SUGCT: variants seen among roughly 807,000 people sequenced by gnomAD.
SUGCT encodes the protein succinyl-CoA:glutarate-CoA transferase.
A neutral mutation model predicts 55.0 loss-of-function variants in SUGCT; 41 were observed. The ratio of observed to expected loss-of-function variants is 0.74; its 90% CI spans 0.58 to 0.97. The LOEUF (loss-of-function observed/expected upper bound fraction) is 0.97. Among genes scored for constraint, SUGCT ranks in the 50% least tolerant of loss-of-function variants. SUGCT has a pLI of 0.00. For synonymous variants in SUGCT, 187 were observed against 200.4 expected (o/e 0.93, Z 0.56); for missense variants, 568 against 547.8 (o/e 1.04, Z -0.37).
At chr7:40,915,045 G>A in the SUGCT span, among the ~76,000 whole-genome samples, 48 of 152,248 alleles carry the variant, frequency 3.2e-4, no homozygotes, top group South Asian at 1.5e-3. Flanking sequence ...GATAGGGATC[G>A]TATCAGAAAA....
intron 9 of SUGCT, among the ~76,000 whole-genome samples, chr7:40,439,064 G>GTGTATGTATA (rs1283539157): frequency 1.8e-4 from 5 of 27,192 alleles, no homozygotes; most frequent in Non-Finnish European, 3.4e-4. Flanking sequence ...TATATATGGT[G>GTGTATGTATA]TATATATATA....
At chr7:40,678,823 A>G (rs752771914) in intron 12 of SUGCT, among the ~76,000 whole-genome samples, 10 of 152,214 alleles carry the variant, frequency 6.6e-5, no homozygotes, top group African/African-American at 1.2e-4. Flanking sequence ...ACTGTAACCA[A>G]TTTGGTTTGT....
intron 8 of SUGCT, among the ~76,000 whole-genome samples, chr7:40,281,925 A>G (rs1370659671): frequency 5.9e-5 from 9 of 151,834 alleles, no homozygotes; most frequent in Non-Finnish European, 1.3e-4. Flanking sequence ...GGTGCAAATG[A>G]CTCTCCTGCC....
intron 12 of SUGCT, among the ~76,000 whole-genome samples, chr7:40,541,650 G>A (rs1008076063): frequency 1.3e-5 from 2 of 152,180 alleles, no homozygotes; most frequent in African/African-American, 4.8e-5. Flanking sequence ...GTATAATACA[G>A]TACATATTTT....
rs372625364 is a variant in SUGCT, at chr7:40,508,277, A to C, written c.1089+11891A>C. 4.1e-4 allele frequency among the ~76,000 whole-genome samples: 62 copies of C among 152,312 alleles called. No individual in the cohort carries two copies. In the East Asian group the frequency reaches 0.011, roughly 27 times the overall value. The stretch of plus-strand genomic sequence containing the variant: ...ATTAAGCTGTAACAGGGGCAACAAG[A>C]ACCCCGGTGCCTTGGCCTGCCGTGC... On this transcript the variant is annotated intron_variant, in intron 12 of 13. Coordinates refer to ENST00000335693, the MANE Select transcript of SUGCT (RefSeq NM_001193313.2).
At chr7:40,719,770 G>A (rs1786220603) in intron 12 of SUGCT, among the ~76,000 whole-genome samples, 1 of 152,036 alleles carries the variant, frequency 6.6e-6, no homozygotes, top group South Asian at 2.1e-4. Context: ...TAGGTGAGAC[G>A]TCACTTAGTA....
chr7:40,537,517 A>T (rs1239135619), intron 12 of SUGCT, among the ~76,000 whole-genome samples: 1 of 152,158 alleles, frequency 6.6e-6, no homozygotes, highest in African/African-American at 2.4e-5. Flanking sequence ...ACAAAAGAAT[A>T]AAAAAATGTA....
At chr7:40,666,963 A>G (rs941931505) in intron 12 of SUGCT, among the ~76,000 whole-genome samples, 1 of 152,032 alleles carries the variant, frequency 6.6e-6, no homozygotes, top group African/African-American at 2.4e-5. Context: ...CCTCGTCTCT[A>G]CTAAAATTAG....
At chr7:40,408,127 G>C (rs546477099) in intron 9 of SUGCT, among the ~76,000 whole-genome samples, 63 of 151,938 alleles carry the variant, frequency 4.1e-4, no homozygotes, top group Admixed American at 1.8e-3. Flanking sequence ...TCTTAAACTT[G>C]AAAGCAACAT....
intron 13 of SUGCT, among the ~76,000 whole-genome samples, chr7:40,832,793 C>A (rs1268741577): frequency 1.3e-5 from 2 of 151,736 alleles, no homozygotes; most frequent in Admixed American, 6.6e-5. Context: ...TCTTGCCTCA[C>A]CCTCCCAAGT....
chr7:40,949,875 G>A, the SUGCT span, among the ~76,000 whole-genome samples: 7 of 152,240 alleles, frequency 4.6e-5, no homozygotes, highest in East Asian at 1.9e-4. Flanking sequence ...GTATAGTATC[G>A]AAGTCAGGTA....
chr7:40,341,652 G>A (rs1424304730), intron 9 of SUGCT, among the ~76,000 whole-genome samples: 4 of 152,152 alleles, frequency 2.6e-5, no homozygotes, highest in African/African-American at 4.8e-5. Context: ...AAAGTGGCGG[G>A]GAGGATCCAG....
intron 7 of SUGCT, among the ~76,000 whole-genome samples, chr7:40,245,435 T>TA (rs1434960007): frequency 0.32 from 10,296 of 32,258 alleles, 1,743 homozygotes; most frequent in East Asian, 0.59. Flanking sequence ...TTTTTTTTTT[T>TA]TTTTTTTTTT....
chr7:40,389,915 ACATCAAAAAGCTTATCCACCATGAT>A (rs1291998625), intron 9 of SUGCT, among the ~76,000 whole-genome samples: 5 of 152,232 alleles, frequency 3.3e-5, no homozygotes, highest in Admixed American at 1.3e-4. Context: ...ATCCAGCAGC[ACATCAAAAAGCTTATCCACCATGAT>A]CAAGTGGGCT....
the SUGCT span, among the ~76,000 whole-genome samples, chr7:40,873,965 A>G: frequency 6.6e-6 from 1 of 152,326 alleles, no homozygotes; most frequent in Admixed American, 6.5e-5. Flanking sequence ...GGAAAACAAG[A>G]CTCATATCAG....
chr7:40,242,531 AC>A (rs1396840217), intron 7 of SUGCT, among the ~76,000 whole-genome samples: 10 of 152,086 alleles, frequency 6.6e-5, no homozygotes, highest in African/African-American at 2.4e-4. Context: ...TATGTAAAGT[AC>A]TAAAGCCCAA....
chr7:40,940,025 T>G, the SUGCT span, among the ~76,000 whole-genome samples: 1 of 152,180 alleles, frequency 6.6e-6, no homozygotes, highest in Non-Finnish European at 1.5e-5. Flanking sequence ...GATTTAAGAC[T>G]TTAATCCAAC....
intron 13 of SUGCT, among the ~76,000 whole-genome samples, chr7:40,790,122 T>C (rs561919606): frequency 1.3e-5 from 2 of 152,356 alleles, no homozygotes; most frequent in Admixed American, 6.5e-5. Context: ...AAATCTCATT[T>C]TGAATTAATC....
At chr7:40,945,820 A>T in the SUGCT span, among the ~76,000 whole-genome samples, 1 of 152,096 alleles carries the variant, frequency 6.6e-6, no homozygotes, top group South Asian at 2.1e-4. Flanking sequence ...GAGTCTAGCC[A>T]CCCAGTGGGG....
Sources: gnomAD v4.1 joint callset for allele counts (sites outside exome capture counted in the v4.1 genomes callset) on GRCh38, gnomAD v4.1.1 for gene constraint, MANE v1.5 for transcripts, NCBI Gene and HGNC (gene_info 2026-07-23, HGNC 2026-07-21) for gene names.